The following LACC1 variants were observed in gnomAD, a reference collection of about 807,000 sequenced individuals.
LACC1 encodes purine nucleoside phosphorylase LACC1.
A neutral mutation model predicts 34.8 loss-of-function variants in LACC1; 25 were observed. The observed-to-expected ratio is 0.72, with a 90% CI of 0.52 to 1.00. The LOEUF (loss-of-function observed/expected upper bound fraction) is 1.00, where lower values mean the gene tolerates loss of function less well. Among genes scored for constraint, LACC1 ranks in the 50% least tolerant of loss-of-function variants. The pLI is 0.00. For missense variants in LACC1, 426 were observed against 511.2 expected (o/e 0.83, Z 1.61); for synonymous variants, 162 against 168.0 (o/e 0.96, Z 0.28).
Position 43,881,388 on chromosome 13 carries a change from C to T in LACC1, c.403C>T (p.Gln135Ter), listed in dbSNP as rs751415677. The change falls in exon 2 of 7, where the codon CAA becomes TAA. Residue 135 changes from glutamine (Q) to a stop codon, truncating the protein, a stop_gained. Transcript: ENST00000325686. LOFTEE classifies it high-confidence loss of function. The part of the protein sequence containing the change: ...DVYNFEFEDL[Q>*]VTFRGGLFKQ... ...TTACAATTTTGAATTTGAAGATTTG[C>T]AAGTGACTTTTAGGGGAGGGCTTTT... 5.0e-6 allele frequency: 8 copies of T among 1,613,940 alleles called. No homozygotes were observed. Among genetic ancestry groups the T allele is most frequent in the Admixed American group, 1.7e-5 (1 of 59,990 alleles).
chr13:43,882,334 T>C lies in LACC1; in HGVS notation c.712T>C (p.Phe238Leu). Residue 238 changes from phenylalanine (F) to leucine (L), a missense_variant, in exon 3 of 7, where the codon TTT (phenylalanine) becomes CTT (leucine). By Grantham distance (22) the Phe-to-Leu change is conservative (BLOSUM62 0). Transcript: ENST00000325686. ...NLRRLANAAG[F>L]NVEKFYRIKT... is the part of the protein sequence containing the mutation. Reference sequence around the variant, plus strand: ...GCGTAGGTTGGCGAATGCTGCAGGATTTAATGTGGAGAAATTTTACCGAAT... The same window carrying C: ...GCGTAGGTTGGCGAATGCTGCAGGACTTAATGTGGAGAAATTTTACCGAAT... 2 of 1,609,758 alleles carry C rather than the reference T, an allele frequency of 1.2e-6. No individual in the cohort carries two copies. The highest frequency in any genetic ancestry group is 8.5e-7 in the Non-Finnish European group (1 of 1,178,900).
Position 43,880,965 on chromosome 13 carries a change from C to T in LACC1, c.-21C>T. On this transcript the variant is annotated 5_prime_UTR_variant, in exon 2 of 7. Transcript: ENST00000325686. ...TTTTATTTGCAGGTGATTTATTTGGCATAAAAGTATTCTTTCAAGGATGGC... is the reference window on the plus strand; with the variant it reads ...TTTTATTTGCAGGTGATTTATTTGGTATAAAAGTATTCTTTCAAGGATGGC... The T allele has an allele frequency of 1.3e-6, 2 of 1,580,120 alleles. No individual in the cohort carries two copies. The highest frequency in any genetic ancestry group is 1.7e-6 in the Non-Finnish European group (2 of 1,158,558).
At chr13:43,890,396 T>C (rs920205656) in intron 6 of LACC1, 122 bp downstream of exon 6, 1 of 732,940 alleles carries the variant, frequency 1.4e-6, no homozygotes, top group East Asian at 2.9e-5. Context: ...AAAAAAAAAG[T>C]TAATTATGTT....
intron 4 of LACC1, among the ~76,000 whole-genome samples, chr13:43,887,941 T>A (rs1955403046): frequency 6.6e-6 from 1 of 152,172 alleles, no homozygotes; most frequent in African/African-American, 2.4e-5. Context: ...GAAATTCCTC[T>A]TCTGGAAGTA....
chr13:43,888,961 T>C lies in LACC1; in HGVS notation c.1112T>C (p.Ile371Thr). Residue 371 changes from isoleucine to threonine, a missense_variant, in exon 5 of 7, where the codon ATC becomes ACC. By Grantham distance (89) the Ile-to-Thr change is moderately conservative. Coordinates refer to ENST00000325686, the MANE Select transcript of LACC1 (RefSeq NM_153218.4). The part of the protein sequence containing the change: ...VQLFDSPNPC[I>T]DIRKATRILL... ...CTATTTGATTCACCAAATCCCTGTATCGACATCCGTAAAGCCACAAGGTAT... is the reference window on the plus strand; with the variant it reads ...CTATTTGATTCACCAAATCCCTGTACCGACATCCGTAAAGCCACAAGGTAT... The C allele has an allele frequency of 6.2e-7, 1 of 1,613,468 alleles. No homozygotes were observed. The highest frequency in any genetic ancestry group is 2.2e-5 in the East Asian group (1 of 44,840).
At chr13:43,888,060 T>C (rs1006586923) in intron 4 of LACC1, among the ~76,000 whole-genome samples, 3 of 152,124 alleles carry the variant, frequency 2.0e-5, no homozygotes, top group Admixed American at 6.5e-5. Flanking sequence ...GGTACATTGG[T>C]AGATGAATGG....
Position 43,881,402 on chromosome 13 carries a change from G to A in LACC1, c.417G>A (p.Arg139=), listed in dbSNP as rs766739659. The A allele has an allele frequency of 1.1e-5, 18 of 1,614,122 alleles. No individual in the cohort carries two copies. Among genetic ancestry groups the A allele is most frequent in the Non-Finnish European group, 1.4e-5 (17 of 1,180,020 alleles). The change falls in exon 2 of 7, where the codon AGG becomes AGA. Residue 139 remains arginine (R), a synonymous_variant. Transcript: ENST00000325686. ...FEFEDLQVTF[R]GGLFKQSIEI... is the part of the protein sequence containing the mutation. ...TTGAAGATTTGCAAGTGACTTTTAG[G>A]GGAGGGCTTTTTAAACAGTCCATTG...
intron 3 of LACC1, among the ~76,000 whole-genome samples, chr13:43,882,568 T>TATATATAC (rs1555395037): frequency 6.8e-5 from 10 of 146,608 alleles, no homozygotes; most frequent in African/African-American, 2.5e-4. Context: ...CGTGCAGATA[T>TATATATAC]ATATATATAT....
intron 4 of LACC1, among the ~76,000 whole-genome samples, chr13:43,886,692 C>T (rs1955346299): frequency 6.6e-6 from 1 of 152,038 alleles, no homozygotes; most frequent in African/African-American, 2.4e-5. Context: ...GTACACGAAA[C>T]CCCAGTGACA....
At chr13:43,883,734 T>C in intron 3 of LACC1, 37 bp from the exon 4 acceptor site, 1 of 1,536,678 alleles carries the variant, frequency 6.5e-7, no homozygotes, top group Non-Finnish European at 8.8e-7. Context: ...AGAAATACTA[T>C]TTCCAAAACA....
rs1374061238 is a variant in LACC1 at position 43,881,269 on chromosome 13, TTGA to T, written c.288_290del (p.Asp96del). The stretch of plus-strand genomic sequence containing the variant: ...ACTTTGTATACCATTAAACAGAAAA[TTGA>T]TGAAAAAAATCTGAGCAGCATTAAG... On this transcript the variant is annotated inframe_deletion, in exon 2 of 7. Transcript: ENST00000325686. The T allele has an allele frequency of 1.9e-6, 3 of 1,614,020 alleles. No individual in the cohort carries two copies. The Admixed American group carries it at 5.0e-5, about 27-fold the overall frequency.
At position 43,893,347 on chromosome 13, in the gene LACC1, A is replaced by G. The variant is rs532819918; in HGVS notation, c.*1900A>G. On this transcript the variant is annotated 3_prime_UTR_variant, in exon 7 of 7. Transcript: ENST00000325686. Reference sequence around the variant, plus strand: ...GTCAAAAATCACAAAATTTGTGATGAATTAAGATTTGAACATATGTTTTGT... The same window carrying G: ...GTCAAAAATCACAAAATTTGTGATGGATTAAGATTTGAACATATGTTTTGT... 5 of 152,114 alleles carry G rather than the reference A, an allele frequency of 3.3e-5. No individual in the cohort carries two copies. In the East Asian group the frequency reaches 7.7e-4, roughly 23 times the overall value. The allele number at this position is 152,114 out of a possible 1,614,324, so 9.4% of individuals were successfully genotyped here.
intron 2 of LACC1, 105 bp from the exon 3 acceptor site, chr13:43,882,080 A>T: frequency 1.2e-6 from 1 of 808,206 alleles, no homozygotes; most frequent in Non-Finnish European, 1.9e-6. Flanking sequence ...CATAGAAATT[A>T]GAAGCCAAAT....
chr13:43,891,616 G>A lies in LACC1; in HGVS notation c.*169G>A. On this transcript the variant is annotated 3_prime_UTR_variant, in exon 7 of 7. Coordinates refer to ENST00000325686, the MANE Select transcript of LACC1 (RefSeq NM_153218.4). ...AAAGCCAAATGATTTTCATTTAATT[G>A]TAATAATAACTGACAAAAATCAGTA... The A allele has an allele frequency of 1.3e-6, 1 of 780,792 alleles. No homozygotes were observed. The highest frequency in any genetic ancestry group is 5.9e-5 in the South Asian group (1 of 16,926). The allele number at this position is 780,792 out of a possible 1,614,324, so 48.4% of individuals were successfully genotyped here.
Position 43,888,785 on chromosome 13 carries a change from T to A in LACC1, c.936T>A (p.Ala312=), listed in dbSNP as rs759955585. 5.0e-6 allele frequency: 8 copies of A among 1,613,808 alleles called. No individual in the cohort carries two copies. In the African/African-American group the frequency reaches 1.1e-4, roughly 22 times the overall value. The stretch of plus-strand genomic sequence containing the variant: ...GGAAAGGTACTTTGTTGGGTGTTGC[T>A]ATGGCTACAGTGAATGCTATGATAG... ...AGWKGTLLGV[A]MATVNAMIAE... is the part of the protein sequence containing the mutation. Residue 312 remains alanine, a synonymous_variant, in exon 5 of 7, where the codon GCT becomes GCA. Transcript: ENST00000325686.
In LACC1 at chr13:43,891,571, G is replaced by T. The variant is rs1955569754; in HGVS notation, c.*124G>T. On this transcript the variant is annotated 3_prime_UTR_variant, in exon 7 of 7. Coordinates refer to ENST00000325686, the MANE Select transcript of LACC1 (RefSeq NM_153218.4). ...TTACAATGGATAATTCATCTTTTGGGTATATTTTTACTATTATTCAAAGCC... is the reference window on the plus strand; with the variant it reads ...TTACAATGGATAATTCATCTTTTGGTTATATTTTTACTATTATTCAAAGCC... 3.3e-6 allele frequency: 3 copies of T among 903,356 alleles called. No homozygotes were observed. In the South Asian group the frequency reaches 1.5e-4, roughly 46 times the overall value. 56.0% of individuals were successfully genotyped at this position (903,356 alleles called of 1,614,324 possible).
Position 43,882,216 on chromosome 13 carries a change from A to T in LACC1, c.594A>T (p.Thr198=). 1 of 1,607,906 alleles carries T rather than the reference A, an allele frequency of 6.2e-7. No individual in the cohort carries two copies. Among genetic ancestry groups the T allele is most frequent in the Non-Finnish European group, 8.5e-7 (1 of 1,177,744 alleles). ...TCATACATGGATTTACTACAAGAAC[A>T]GGTGGGATATCTTATATACCAACTC... The part of the protein sequence containing the change: ...DIFIHGFTTR[T]GGISYIPTLS... The change falls in exon 3 of 7, where the codon ACA becomes ACT. Residue 198 remains threonine, a synonymous_variant. Coordinates refer to ENST00000325686, the MANE Select transcript of LACC1 (RefSeq NM_153218.4).
chr13:43,890,039 C>A, intron 5 of LACC1, 75 bp from the exon 6 acceptor site: 1 of 1,283,800 alleles, frequency 7.8e-7, no homozygotes, highest in Non-Finnish European at 1.1e-6. Context: ...TGCCAACATC[C>A]ATACTTTTTT....
intron 6 of LACC1, among the ~76,000 whole-genome samples, chr13:43,890,712 T>C: frequency 6.6e-6 from 1 of 152,380 alleles, no homozygotes; most frequent in Middle Eastern, 3.4e-3. Context: ...ATAAACATTC[T>C]GAATTCTAGA....
Sources: allele counts gnomAD v4.1 joint callset (sites outside exome capture counted in the v4.1 genomes callset), GRCh38; gene constraint gnomAD v4.1.1; transcripts MANE v1.5; gene names NCBI Gene and HGNC (gene_info 2026-07-23, HGNC 2026-07-21).